Variants in PSAT1 observed in about 807,000 individuals in gnomAD.
The protein encoded by PSAT1 is phosphoserine aminotransferase 1.
Under a neutral mutation model 40.3 loss-of-function variants are expected in PSAT1, and 41 were observed. The observed-to-expected ratio is 1.02, with a 90% CI of 0.79 to 1.32. The LOEUF is 1.32. Among genes scored for constraint, PSAT1 ranks in the 40% most tolerant of loss-of-function variants. PSAT1 has a pLI of 0.00. For synonymous variants in PSAT1, 147 were observed against 170.5 expected (o/e 0.86, Z 1.07); for missense variants, 406 against 455.8 (o/e 0.89, Z 0.99).
chr9:78,298,034 T>A (rs1828052977), intron 1 of PSAT1, among the ~76,000 whole-genome samples: 2 of 151,966 alleles, frequency 1.3e-5, no homozygotes, highest in Admixed American at 1.3e-4. Context: ...GACTTTGGGC[T>A]GCTTAACCCA....
Position 78,329,133 on chromosome 9 carries a change from T to C in PSAT1, c.*47T>C, listed in dbSNP as rs912112640. On this transcript the variant is annotated 3_prime_UTR_variant, in exon 9 of 9. Transcript: ENST00000376588. ...CTCTGTTCTTGAACAACATACAAAG[T>C]TTAAAGTAACTTGGGGATGGCTACA... The C allele has an allele frequency of 3.4e-5, 47 of 1,378,848 alleles. No individual in the cohort carries two copies. The highest frequency in any genetic ancestry group is 4.4e-5 in the Non-Finnish European group (43 of 967,818). 85.4% of individuals were successfully genotyped at this position (1,378,848 alleles called of 1,614,324 possible).
chr9:78,312,050 C>CTTTT (rs1210994021), intron 6 of PSAT1, among the ~76,000 whole-genome samples: 1 of 128,738 alleles, frequency 7.8e-6, no homozygotes. Flanking sequence ...GAAAAGACGC[C>CTTTT]TTTTTTTTTT....
intron 7 of PSAT1, among the ~76,000 whole-genome samples, chr9:78,325,933 G>T (rs1411918): frequency 6.6e-6 from 1 of 151,944 alleles, no homozygotes; most frequent in Non-Finnish European, 1.5e-5. Flanking sequence ...ATTTTTTTCT[G>T]TTAAGTTAAA....
At chr9:78,316,787 C>T (rs1828351119) in intron 6 of PSAT1, among the ~76,000 whole-genome samples, 1 of 152,128 alleles carries the variant, frequency 6.6e-6, no homozygotes, top group South Asian at 2.1e-4. Flanking sequence ...GGAGGGGGAG[C>T]CCGTCCTTTT....
intron 1 of PSAT1, chr9:78,298,374 G>A: frequency 9.1e-6 from 9 of 985,252 alleles, no homozygotes; most frequent in Non-Finnish European, 1.1e-5. Flanking sequence ...AATCTCCCTG[G>A]GACAGAGCCT....
At chr9:78,325,137 A>G (rs1828478525) in intron 7 of PSAT1, among the ~76,000 whole-genome samples, 3 of 152,204 alleles carry the variant, frequency 2.0e-5, no homozygotes, top group African/African-American at 4.8e-5. Context: ...TCACATGCAC[A>G]GTAGCTTCAG....
chr9:78,298,381 G>A (rs1316240678), intron 1 of PSAT1: 2 of 985,320 alleles, frequency 2.0e-6, no homozygotes, highest in African/African-American at 3.5e-5. Context: ...CTGGGACAGA[G>A]CCTCCTCTGT....
chr9:78,317,882 T>A, intron 7 of PSAT1, 78 bp downstream of exon 7: 1 of 1,495,688 alleles, frequency 6.7e-7, no homozygotes, highest in Non-Finnish European at 9.3e-7. Flanking sequence ...CTTTGAAAAG[T>A]GGACATATTC....
chr9:78,317,411 C>G (rs1377564566), intron 6 of PSAT1, among the ~76,000 whole-genome samples: 1 of 152,164 alleles, frequency 6.6e-6, no homozygotes, highest in Non-Finnish European at 1.5e-5. Flanking sequence ...TGCTATCACA[C>G]CCAACTAATT....
chr9:78,298,672 G>A (rs1828062225), intron 1 of PSAT1, among the ~76,000 whole-genome samples: 1 of 152,078 alleles, frequency 6.6e-6, no homozygotes, highest in East Asian at 1.9e-4. Context: ...ACAATTATTT[G>A]TTATTAATTT....
intron 6 of PSAT1, among the ~76,000 whole-genome samples, chr9:78,315,963 C>T (rs1350703503): frequency 1.3e-5 from 2 of 152,228 alleles, no homozygotes; most frequent in Non-Finnish European, 2.9e-5. Flanking sequence ...TTGATTCACA[C>T]CTCTGGAGAG....
At chr9:78,312,009 A>G (rs1828275540) in intron 6 of PSAT1, among the ~76,000 whole-genome samples, 1 of 151,758 alleles carries the variant, frequency 6.6e-6, no homozygotes, top group Admixed American at 6.6e-5. Flanking sequence ...TTTGTATCAC[A>G]TAGTAGAGTT....
chr9:78,320,905 C>T (rs1375711611), intron 7 of PSAT1, among the ~76,000 whole-genome samples: 2 of 151,926 alleles, frequency 1.3e-5, no homozygotes, highest in Non-Finnish European at 2.9e-5. Context: ...GATGTGTAGA[C>T]ATGATGTTAG....
chr9:78,300,064 C>T lies in PSAT1; in HGVS notation c.61-538C>T, dbSNP rs1263012158. On this transcript the variant is annotated intron_variant, in intron 1 of 8. Transcript: ENST00000376588. ...AGATAAAAGTAGTGTAATGAACCTC[C>T]AAGGACCCATCTCTGAGACTCAACA... Among the ~76,000 whole-genome samples, 4 of 152,114 alleles carry T rather than the reference C, an allele frequency of 2.6e-5. No homozygotes were observed. In the East Asian group the frequency reaches 7.7e-4, roughly 29 times the overall value.
intron 6 of PSAT1, among the ~76,000 whole-genome samples, chr9:78,312,907 C>A (rs1200299867): frequency 6.6e-6 from 1 of 152,004 alleles, no homozygotes; most frequent in Non-Finnish European, 1.5e-5. Flanking sequence ...CTACATTCAC[C>A]GATTCCTGAG....
At chr9:78,316,525 A>G (rs756342629) in intron 6 of PSAT1, among the ~76,000 whole-genome samples, 1 of 152,082 alleles carries the variant, frequency 6.6e-6, no homozygotes, top group Non-Finnish European at 1.5e-5. Flanking sequence ...CCCACACCCA[A>G]TTCAGAAAAT....
intron 3 of PSAT1, among the ~76,000 whole-genome samples, chr9:78,303,409 G>A (rs561577379): frequency 7.9e-5 from 12 of 152,254 alleles, no homozygotes; most frequent in African/African-American, 1.9e-4. Context: ...ATCAGCCTGG[G>A]AGAGATGACA....
At chr9:78,304,467 A>G (rs1201907081) in intron 3 of PSAT1, among the ~76,000 whole-genome samples, 1 of 152,220 alleles carries the variant, frequency 6.6e-6, no homozygotes, top group Non-Finnish European at 1.5e-5. Flanking sequence ...AATTTCCTAA[A>G]GGAACATCAG....
intron 7 of PSAT1, among the ~76,000 whole-genome samples, chr9:78,320,062 T>C (rs746785335): frequency 1.1e-4 from 16 of 150,938 alleles, no homozygotes; most frequent in African/African-American, 2.4e-4. Flanking sequence ...CCATCCACCA[T>C]TGACCCACCC....
Sources: allele counts gnomAD v4.1 joint callset (sites outside exome capture counted in the v4.1 genomes callset), GRCh38; gene constraint gnomAD v4.1.1; transcripts MANE v1.5; gene names NCBI Gene and HGNC (gene_info 2026-07-23, HGNC 2026-07-21).